The following SLC8A1 variants were observed in gnomAD, a reference collection of about 807,000 sequenced individuals.
The protein encoded by SLC8A1 is sodium/calcium exchanger 1.
A neutral mutation model predicts 68.3 loss-of-function variants in SLC8A1; 18 were observed. The observed-to-expected ratio is 0.26, with a 90% CI of 0.18 to 0.39. SLC8A1 has a LOEUF of 0.39. SLC8A1 is among the 10% of genes least tolerant of loss of function. The probability of loss-of-function intolerance (pLI) is 1.00; values close to 1 mark genes in which losing one functional copy is unlikely to be tolerated. For synonymous variants in SLC8A1, 475 were observed against 415.5 expected, an observed-to-expected ratio of 1.14 and a Z score of -1.74; for missense variants, 985 against 1,156.7, an observed-to-expected ratio of 0.85 and a Z score of 2.15.
intron 1 of SLC8A1, among the ~76,000 whole-genome samples, chr2:40,483,234 T>G (rs1462387834): frequency 6.6e-6 from 1 of 150,618 alleles, no homozygotes; most frequent in Non-Finnish European, 1.5e-5. Flanking sequence ...TATTTTAAAA[T>G]CTAAATTTAA....
chr2:40,284,514 T>C (rs1333521803), intron 2 of SLC8A1, among the ~76,000 whole-genome samples: 1 of 147,246 alleles, frequency 6.8e-6, no homozygotes, highest in East Asian at 2.0e-4. Context: ...ACAATATATA[T>C]AGACAACAAT....
At chr2:40,283,880 G>C (rs1055500865) in intron 2 of SLC8A1, among the ~76,000 whole-genome samples, 9 of 152,104 alleles carry the variant, frequency 5.9e-5, no homozygotes, top group African/African-American at 1.9e-4. Flanking sequence ...ATAAAAACTG[G>C]AACAGTCAGT....
intron 2 of SLC8A1, among the ~76,000 whole-genome samples, chr2:40,356,919 A>C (rs766436699): frequency 3.9e-5 from 6 of 152,324 alleles, no homozygotes; most frequent in African/African-American, 7.2e-5. Flanking sequence ...ATGACAAGGC[A>C]CATGCCATGT....
chr2:40,352,159 T>C (rs1243245164), intron 2 of SLC8A1, among the ~76,000 whole-genome samples: 1 of 152,178 alleles, frequency 6.6e-6, no homozygotes, highest in African/African-American at 2.4e-5. Flanking sequence ...AATTCATTCA[T>C]AGGCGTTCAT....
At chr2:40,298,332 T>C (rs2070801615) in intron 2 of SLC8A1, among the ~76,000 whole-genome samples, 4 of 152,222 alleles carry the variant, frequency 2.6e-5, no homozygotes, top group Admixed American at 2.6e-4. Flanking sequence ...CACATTACAA[T>C]GACTACTTGG....
At chr2:40,129,262 C>T (rs1180253370) in intron 7 of SLC8A1, among the ~76,000 whole-genome samples, 1 of 149,618 alleles carries the variant, frequency 6.7e-6, no homozygotes, top group Non-Finnish European at 1.5e-5. Context: ...GACAGTGTCA[C>T]ACTCTGTCAC....
At chr2:40,113,686 A>G (rs1020103381) in exon 8 of SLC8A1, 4 of 152,652 alleles carry the variant, frequency 2.6e-5, no homozygotes, top group Admixed American at 6.5e-5. Flanking sequence ...ACTATCTACC[A>G]TCTGTGCCAG....
At chr2:40,175,001 T>C (rs1190186455) in intron 3 of SLC8A1, among the ~76,000 whole-genome samples, 159 bp from the exon 5 acceptor site, 1 of 152,146 alleles carries the variant, frequency 6.6e-6, no homozygotes, top group Non-Finnish European at 1.5e-5. Context: ...TCACTAATCG[T>C]TCTTTTAAGA....
chr2:40,289,905 G>C (rs2068984582), intron 2 of SLC8A1, among the ~76,000 whole-genome samples: 1 of 150,990 alleles, frequency 6.6e-6, no homozygotes, highest in South Asian at 2.1e-4. Flanking sequence ...AAAATAAGGA[G>C]GAAAAAATGA....
intron 2 of SLC8A1, among the ~76,000 whole-genome samples, chr2:40,270,914 C>T (rs192571721): frequency 3.3e-5 from 5 of 152,232 alleles, no homozygotes; most frequent in Admixed American, 1.3e-4. Flanking sequence ...GAGGGAGTTC[C>T]GGCTGGTTTT....
chr2:40,290,497 G>C (rs1187009956), intron 2 of SLC8A1, among the ~76,000 whole-genome samples: 1 of 152,134 alleles, frequency 6.6e-6, no homozygotes, highest in East Asian at 1.9e-4. Context: ...CAGAGTCTGG[G>C]CCAGATTTAC....
At chr2:40,397,728 G>A (rs373217080) in intron 2 of SLC8A1, among the ~76,000 whole-genome samples, 3 of 152,254 alleles carry the variant, frequency 2.0e-5, no homozygotes, top group Admixed American at 6.5e-5. Context: ...ATTCTCACCA[G>A]GAGAACCACT....
At chr2:40,343,603 G>C (rs930799646) in intron 2 of SLC8A1, among the ~76,000 whole-genome samples, 1 of 152,092 alleles carries the variant, frequency 6.6e-6, no homozygotes, top group African/African-American at 2.4e-5. Flanking sequence ...TTAAATATCT[G>C]TGCCATACAA....
chr2:40,327,773 A>T (rs1326456610), intron 2 of SLC8A1, among the ~76,000 whole-genome samples: 1 of 152,160 alleles, frequency 6.6e-6, no homozygotes, highest in African/African-American at 2.4e-5. Context: ...GAGGGAGAAA[A>T]GGGCTGAACA....
chr2:40,347,014 C>T (rs767488049), intron 2 of SLC8A1, among the ~76,000 whole-genome samples: 1 of 152,126 alleles, frequency 6.6e-6, no homozygotes, highest in Non-Finnish European at 1.5e-5. Context: ...TTTGTACATA[C>T]ATCAAAGCAC....
intron 2 of SLC8A1, among the ~76,000 whole-genome samples, chr2:40,222,327 A>G (rs756982558): frequency 6.6e-6 from 1 of 152,236 alleles, no homozygotes; most frequent in African/African-American, 2.4e-5. Flanking sequence ...AGCCATACGC[A>G]GAAAACTGAA....
intron 2 of SLC8A1, among the ~76,000 whole-genome samples, chr2:40,291,403 A>G (rs2069292235): frequency 6.6e-6 from 1 of 152,148 alleles, no homozygotes; most frequent in South Asian, 2.1e-4. Context: ...TTGCATCAAC[A>G]ATAGAAAGAT....
chr2:40,383,171 C>T (rs909589688), intron 2 of SLC8A1, among the ~76,000 whole-genome samples: 6 of 151,938 alleles, frequency 3.9e-5, no homozygotes, highest in Admixed American at 2.0e-4. Context: ...ATTACAGACA[C>T]GTTGTAGATA....
intron 1 of SLC8A1, chr2:40,446,272 T>C (rs1701425862): frequency 6.6e-6 from 1 of 152,238 alleles, no homozygotes; most frequent in Non-Finnish European, 1.5e-5. Flanking sequence ...CATCCTACAT[T>C]TTGGTTTCAA....
Sources: gnomAD v4.1 joint callset for allele counts (sites outside exome capture counted in the v4.1 genomes callset) on GRCh38, gnomAD v4.1.1 for gene constraint, MANE v1.5 for transcripts, NCBI Gene and HGNC (gene_info 2026-07-23, HGNC 2026-07-21) for gene names.